Variants in USH2A observed in about 807,000 individuals in gnomAD.
USH2A encodes usherin.
In USH2A, 443 loss-of-function variants were observed where a neutral mutation model predicts 538.9. The observed-to-expected ratio is 0.82, with a 90% confidence interval of 0.76 to 0.89. USH2A has a LOEUF of 0.89. USH2A is among the 40% of genes least tolerant of loss of function. The pLI, the probability that USH2A is intolerant of heterozygous loss-of-function variation, is 0.00. For synonymous variants in USH2A, 2,413 were observed against 2,273.5 expected, an observed-to-expected ratio of 1.06 and a Z score of -1.75; for missense variants, 6,633 against 6,324.8, an observed-to-expected ratio of 1.05 and a Z score of -1.65.
chr1:216,231,259 A>AT (rs1491391548), intron 14 of USH2A, among the ~76,000 whole-genome samples: 6 of 98,120 alleles, frequency 6.1e-5, no homozygotes, highest in South Asian at 3.0e-4. Flanking sequence ...TTATATATAT[A>AT]ATATATATAT....
chr1:216,308,036 T>C (rs2037350016), intron 9 of USH2A, among the ~76,000 whole-genome samples: 1 of 152,204 alleles, frequency 6.6e-6, no homozygotes, highest in Admixed American at 6.5e-5. Flanking sequence ...AAGTTCATGA[T>C]GTGTGTCTTC....
chr1:215,683,399 G>A (rs1448150859), intron 61 of USH2A, among the ~76,000 whole-genome samples: 4 of 152,028 alleles, frequency 2.6e-5, no homozygotes, highest in South Asian at 4.2e-4. Context: ...ATTCTTTGAC[G>A]TTTTAGGAAA....
intron 3 of USH2A, among the ~76,000 whole-genome samples, chr1:216,402,823 A>G (rs1338960075): frequency 6.6e-6 from 1 of 152,176 alleles, no homozygotes; most frequent in Non-Finnish European, 1.5e-5. Context: ...TTTGTCCAAG[A>G]GTCAAACATA....
At position 215,862,569 on chromosome 1, in the gene USH2A, TA is replaced by T. The variant is rs569073905; in HGVS notation, c.8845+4437del. 2.0e-4 allele frequency among the ~76,000 whole-genome samples: 30 copies of T among 152,018 alleles called. No individual in the cohort carries two copies. In the East Asian group the frequency reaches 2.3e-3, roughly 12 times the overall value. ...CCTAGAACTTAAAGTATAATAATAA[TA>T]AAAAAAATGCTTTTATCTGAATAGT... On this transcript the variant is annotated intron_variant, in intron 44 of 71. Coordinates refer to ENST00000307340, the MANE Select transcript of USH2A (RefSeq NM_206933.4).
chr1:215,982,789 C>T (rs1667779672), intron 35 of USH2A, among the ~76,000 whole-genome samples: 1 of 152,002 alleles, frequency 6.6e-6, no homozygotes, highest in African/African-American at 2.4e-5. Context: ...AGCGAAAGAA[C>T]AGACATTAGA....
intron 60 of USH2A, among the ~76,000 whole-genome samples, chr1:215,731,778 A>G (rs1328772364): frequency 6.6e-6 from 1 of 152,190 alleles, no homozygotes; most frequent in African/African-American, 2.4e-5. Flanking sequence ...CCAATGCACC[A>G]TAACAATTTT....
At chr1:215,991,849 A>G (rs181661289) in intron 35 of USH2A, among the ~76,000 whole-genome samples, 5 of 152,350 alleles carry the variant, frequency 3.3e-5, no homozygotes, top group Admixed American at 6.5e-5. Context: ...GAAATAAATC[A>G]TTAACATTTT....
At chr1:216,209,243 A>G (rs1366692795) in intron 15 of USH2A, among the ~76,000 whole-genome samples, 1 of 152,164 alleles carries the variant, frequency 6.6e-6, no homozygotes, top group Non-Finnish European at 1.5e-5. Flanking sequence ...CCACTCATGG[A>G]GGGATGCAGT....
intron 47 of USH2A, among the ~76,000 whole-genome samples, chr1:215,832,301 A>G (rs1203049276): frequency 6.6e-6 from 1 of 151,966 alleles, no homozygotes; most frequent in Non-Finnish European, 1.5e-5. Context: ...AGAAATTACC[A>G]TGATACCCAA....
chr1:216,139,999 T>C (rs1027655961), intron 21 of USH2A, among the ~76,000 whole-genome samples: 1 of 151,366 alleles, frequency 6.6e-6, no homozygotes, highest in Non-Finnish European at 1.5e-5. Context: ...TAACTCACTT[T>C]ATAAAAAATT....
intron 47 of USH2A, among the ~76,000 whole-genome samples, chr1:215,835,429 C>A (rs1663449527): frequency 6.6e-6 from 1 of 152,090 alleles, no homozygotes; most frequent in Non-Finnish European, 1.5e-5. Flanking sequence ...AAAAAGCCCA[C>A]CATTCAGGTT....
chr1:216,116,889 T>C (rs775857665), intron 21 of USH2A, among the ~76,000 whole-genome samples: 20 of 152,068 alleles, frequency 1.3e-4, no homozygotes, highest in Admixed American at 3.9e-4. Flanking sequence ...TGAAGATCAA[T>C]ACTTGATCAC....
intron 38 of USH2A, among the ~76,000 whole-genome samples, chr1:215,913,160 A>G (rs1378765972): frequency 6.6e-6 from 1 of 151,970 alleles, no homozygotes; most frequent in African/African-American, 2.4e-5. Flanking sequence ...ATCCTCCTTT[A>G]CTCCCTTGCC....
rs576937909 is a variant in USH2A at position 215,673,804 on chromosome 1, AG to A, written c.13811+295del. On this transcript the variant is annotated intron_variant, in intron 63 of 71. Transcript: ENST00000307340. ...ACTGTCCAGGGGCCTGCGTATTTCC[AG>A]GGGGACTAGCCTCATCTCTGTCCTA... Among the ~76,000 whole-genome samples the A allele has an allele frequency of 2.4e-3, 367 of 152,242 alleles. 2 individuals are homozygous for A. Among genetic ancestry groups the A allele is most frequent in the African/African-American group, 8.1e-3 (337 of 41,528 alleles).
At chr1:216,296,957 A>G (rs1274896699) in intron 9 of USH2A, among the ~76,000 whole-genome samples, 2 of 151,936 alleles carry the variant, frequency 1.3e-5, no homozygotes, top group South Asian at 2.1e-4. Flanking sequence ...GGCCACTGTG[A>G]AAAGTAACAT....
chr1:216,341,522 G>A (rs2038075979), intron 4 of USH2A, among the ~76,000 whole-genome samples: 1 of 151,978 alleles, frequency 6.6e-6, no homozygotes. Context: ...AAATAACAAA[G>A]AGTCCATATA....
At position 216,175,489 on chromosome 1, in the gene USH2A, A is replaced by G. The variant is rs751062654; in HGVS notation, c.4397-7T>C. The G allele has an allele frequency of 6.2e-7, 1 of 1,613,376 alleles. No individual in the cohort carries two copies. The highest frequency in any genetic ancestry group is 1.7e-5 in the Admixed American group (1 of 59,964). On this transcript the variant is annotated splice_polypyrimidine_tract_variant and splice_region_variant and intron_variant, in intron 20 of 71. Transcript: ENST00000307340. ...GGCCTCAGTTGTGCTGGTGCTAAAT[A>G]TTAGAAAACACCTGTTATATTCAAG...
chr1:216,142,020 CA>C (rs2033613377), intron 21 of USH2A, among the ~76,000 whole-genome samples: 1 of 151,328 alleles, frequency 6.6e-6, no homozygotes, highest in Non-Finnish European at 1.5e-5. Flanking sequence ...CACAGTACAC[CA>C]AAAACAACAC....
intron 49 of USH2A, among the ~76,000 whole-genome samples, chr1:215,804,230 A>G (rs1221520710): frequency 6.6e-6 from 1 of 152,066 alleles, no homozygotes; most frequent in Non-Finnish European, 1.5e-5. Flanking sequence ...ATGGGCAAGG[A>G]CTTCATGTCT....
Sources: allele counts gnomAD v4.1 joint callset (sites outside exome capture counted in the v4.1 genomes callset), GRCh38; gene constraint gnomAD v4.1.1; transcripts MANE v1.5; gene names NCBI Gene and HGNC (gene_info 2026-07-23, HGNC 2026-07-21).